DIAPH2: variants seen among roughly 807,000 people sequenced by gnomAD.
DIAPH2 encodes the protein diaphanous related formin 2.
Under a neutral mutation model 92.7 loss-of-function variants are expected in DIAPH2, and 35 were observed. That is an observed-to-expected ratio of 0.38 (90% CI 0.29 to 0.50). DIAPH2 has a LOEUF of 0.50. Among genes scored for constraint, DIAPH2 ranks in the 20% least tolerant of loss-of-function variants. DIAPH2 has a pLI of 0.94. For missense variants in DIAPH2, 701 were observed against 819.5 expected (o/e 0.86, Z 1.77); for synonymous variants, 301 against 280.4 (o/e 1.07, Z -0.73).
intron 22 of DIAPH2, among the ~76,000 whole-genome samples, chrX:97,186,341 T>C (rs766217903): frequency 7.6e-4 from 85 of 112,043 alleles, no homozygotes; most frequent in African/African-American, 2.7e-3. Context: ...GACACCAATC[T>C]AATTATTAAT....
chrX:97,259,083 G>A (rs969564715), intron 23 of DIAPH2, among the ~76,000 whole-genome samples: 4 of 109,715 alleles, frequency 3.6e-5, no homozygotes, highest in Middle Eastern at 4.2e-3. Flanking sequence ...GTGAAAACCC[G>A]TCTCTACTAA....
intron 3 of DIAPH2, among the ~76,000 whole-genome samples, chrX:96,739,201 A>C (rs1033506118): frequency 1.8e-5 from 2 of 111,542 alleles, no homozygotes; most frequent in Middle Eastern, 4.6e-3. Flanking sequence ...TAATTCATCC[A>C]AGTTTGTTCT....
At chrX:96,990,677 T>C (rs904621405) in intron 17 of DIAPH2, among the ~76,000 whole-genome samples, 2 of 111,798 alleles carry the variant, frequency 1.8e-5, no homozygotes, top group African/African-American at 3.3e-5. Flanking sequence ...CAAATAAAGG[T>C]AATTGGGATC....
At chrX:96,879,940 G>T (rs2065202548) in intron 4 of DIAPH2, among the ~76,000 whole-genome samples, 1 of 111,175 alleles carries the variant, frequency 9.0e-6, no homozygotes, top group African/African-American at 3.3e-5. Context: ...CATTGGCCAG[G>T]CTGATTTCGA....
intron 15 of DIAPH2, chrX:96,954,186 T>C (rs1254619319): frequency 8.9e-6 from 1 of 112,089 alleles, no homozygotes; most frequent in Non-Finnish European, 1.9e-5. Context: ...TGCAAAAAAC[T>C]CATGGCTGCC....
intron 22 of DIAPH2, among the ~76,000 whole-genome samples, chrX:97,226,184 A>G (rs1198463018): frequency 2.7e-5 from 3 of 111,005 alleles, no homozygotes; most frequent in Non-Finnish European, 5.7e-5. Context: ...ATGGCCCAGG[A>G]AGACTTGGAA....
intron 26 of DIAPH2, among the ~76,000 whole-genome samples, chrX:97,588,996 A>T (rs868209732): frequency 6.3e-5 from 2 of 31,721 alleles, no homozygotes; most frequent in Non-Finnish European, 1.3e-4. Context: ...ATATTATAGA[A>T]ATATATATAT....
At chrX:97,226,978 C>G in intron 22 of DIAPH2, among the ~76,000 whole-genome samples, 1 of 111,330 alleles carries the variant, frequency 9.0e-6, no homozygotes, top group East Asian at 2.8e-4. Flanking sequence ...CAGTAGGAAA[C>G]TCACAAAATT....
intron 17 of DIAPH2, among the ~76,000 whole-genome samples, chrX:96,970,498 A>G (rs769580337): frequency 8.8e-4 from 97 of 110,476 alleles, no homozygotes; most frequent in African/African-American, 3.1e-3. Context: ...GAATTTATCT[A>G]TCTCCTCTAT....
intron 4 of DIAPH2, among the ~76,000 whole-genome samples, chrX:96,877,152 G>T (rs1417240499): frequency 9.0e-6 from 1 of 110,821 alleles, no homozygotes; most frequent in Non-Finnish European, 1.9e-5. Context: ...CACTTGGATA[G>T]GGCACTTATT....
chrX:96,963,458 A>G (rs2065876928), intron 16 of DIAPH2, among the ~76,000 whole-genome samples: 1 of 111,339 alleles, frequency 9.0e-6, no homozygotes, highest in Admixed American at 9.5e-5. Context: ...TCCAGTGTGA[A>G]TGCTCATTCT....
chrX:97,334,993 C>CAAAAAAAAAAAAAAAAAAAAAAAAAAA (rs1314227612), intron 23 of DIAPH2, among the ~76,000 whole-genome samples: 1 of 6,631 alleles, frequency 1.5e-4, no homozygotes, highest in Non-Finnish European at 4.6e-4. Context: ...AAAACAAAAA[C>CAAAAAAAAAAAAAAAAAAAAAAAAAAA]AAAACAAAAA....
At chrX:97,046,507 T>A (rs978445311) in intron 17 of DIAPH2, among the ~76,000 whole-genome samples, 1 of 111,673 alleles carries the variant, frequency 9.0e-6, no homozygotes, top group Non-Finnish European at 1.9e-5. Context: ...TGGATTGATG[T>A]GAAGTGAATC....
intron 23 of DIAPH2, among the ~76,000 whole-genome samples, chrX:97,329,304 T>C (rs951582473): frequency 8.9e-6 from 1 of 112,333 alleles, no homozygotes; most frequent in Non-Finnish European, 1.9e-5. Context: ...ATAAAAGAGA[T>C]ATATTTTTGT....
intron 26 of DIAPH2, chrX:97,555,553 C>T: frequency 2.7e-6 from 1 of 375,041 alleles, no homozygotes; most frequent in Non-Finnish European, 3.4e-6. Context: ...TGGGAGAAAA[C>T]TTGAAGAAAG....
intron 26 of DIAPH2, among the ~76,000 whole-genome samples, chrX:97,513,810 T>G (rs1345686499): frequency 1.0e-5 from 1 of 99,819 alleles, no homozygotes; most frequent in Non-Finnish European, 2.0e-5. Flanking sequence ...TTGAAAATTC[T>G]TTTCTTTAAG....
At chrX:97,499,429 A>T (rs2070779996) in intron 26 of DIAPH2, among the ~76,000 whole-genome samples, 1 of 111,645 alleles carries the variant, frequency 9.0e-6, no homozygotes, top group African/African-American at 3.3e-5. Flanking sequence ...AAATTTTTAG[A>T]TTCAGCGGGT....
intron 26 of DIAPH2, among the ~76,000 whole-genome samples, chrX:97,555,196 C>A (rs1008291541): frequency 9.0e-6 from 1 of 111,724 alleles, no homozygotes; most frequent in Non-Finnish European, 1.9e-5. Flanking sequence ...CCTGTCATTA[C>A]TCATCTGTGT....
intron 17 of DIAPH2, among the ~76,000 whole-genome samples, chrX:97,045,386 C>G (rs1430250993): frequency 1.8e-5 from 2 of 111,377 alleles, no homozygotes; most frequent in Non-Finnish European, 3.8e-5. Flanking sequence ...GAGTTGGAGT[C>G]TAGAATTCCA....
Sources: gnomAD v4.1 joint callset for allele counts (sites outside exome capture counted in the v4.1 genomes callset) on GRCh38, gnomAD v4.1.1 for gene constraint, MANE v1.5 for transcripts, NCBI Gene and HGNC (gene_info 2026-07-23, HGNC 2026-07-21) for gene names.